The following OCRL variants were observed in gnomAD, a reference collection of about 807,000 sequenced individuals.
The protein encoded by OCRL is inositol polyphosphate 5-phosphatase OCRL.
In OCRL, 8 loss-of-function variants were observed where a neutral mutation model predicts 78.9. The observed-to-expected ratio is 0.10, with a 90% CI of 0.06 to 0.18. OCRL has a LOEUF of 0.18. Ranked by LOEUF, OCRL falls within the 10% of genes least tolerant of loss-of-function variation. The pLI is 1.00. For synonymous variants in OCRL, 240 were observed against 235.4 expected, an observed-to-expected ratio of 1.02 and a Z score of -0.18; for missense variants, 454 against 696.7, an observed-to-expected ratio of 0.65 and a Z score of 3.92.
chrX:129,568,270 TAGTG>T (rs752388976), intron 14 of OCRL, among the ~76,000 whole-genome samples: 154 of 112,149 alleles, frequency 1.4e-3, no homozygotes, highest in African/African-American at 4.6e-3. Flanking sequence ...AGTAAGTTCT[TAGTG>T]AGTATTTGTC....
At chrX:129,579,960 G>A (rs769414526) in intron 18 of OCRL, among the ~76,000 whole-genome samples, 6 of 111,985 alleles carry the variant, frequency 5.4e-5, no homozygotes, top group African/African-American at 9.7e-5. Flanking sequence ...TTGGAAAGTC[G>A]TTTAAAGTGA....
At chrX:129,562,205 T>A (rs1162684310) in intron 10 of OCRL, among the ~76,000 whole-genome samples, 179 bp from the exon 11 acceptor site, 6 of 112,021 alleles carry the variant, frequency 5.4e-5, no homozygotes, top group Non-Finnish European at 1.1e-4. Context: ...AGTGCCAGAT[T>A]AGAGCCTCCC....
Position 129,558,948 on chromosome X carries a change from C to G in OCRL, c.669C>G (p.Ile223Met). The G allele has an allele frequency of 5.8e-6, 7 of 1,211,144 alleles. No homozygotes were observed. The highest frequency in any genetic ancestry group is 7.8e-6 in the Non-Finnish European group (7 of 895,089). ...AATCTGGGCAGCGGGAGGGTCTCAT[C>G]AAACATATCCTGGCAAAGCGAGAGA... ...NTQSGQREGLIKHILAKREKE... is the reference protein window; with the variant it reads ...NTQSGQREGLMKHILAKREKE... Residue 223 changes from isoleucine to methionine, a missense_variant, in exon 8 of 24, where the codon ATC becomes ATG. Coordinates refer to ENST00000371113, the MANE Select transcript of OCRL (RefSeq NM_000276.4).
chrX:129,584,254 A>T, intron 18 of OCRL, 90 bp from the exon 19 acceptor site: 1 of 774,423 alleles, frequency 1.3e-6, no homozygotes, highest in Non-Finnish European at 2.0e-6. Context: ...TAAGATAGTG[A>T]GTTCTAATAC....
rs754773335 is a variant in OCRL, at chrX:129,589,016, G to A, written c.2469+3G>A. 8.3e-7 allele frequency: 1 copy of A among 1,211,127 alleles called. No individual in the cohort carries two copies. The highest frequency in any genetic ancestry group is 1.1e-6 in the Non-Finnish European group (1 of 895,073). ...ATGATCCCCGGATCTGCCGACAGGT[G>A]GGTTCTACTGACCTGGGGATGTGTT... is the stretch of plus-strand genomic sequence containing the variant. On this transcript the variant is annotated splice_donor_region_variant and intron_variant, in intron 22 of 23. Transcript: ENST00000371113.
At chrX:129,543,977 G>A (rs142793642) in intron 2 of OCRL, among the ~76,000 whole-genome samples, 1 of 111,433 alleles carries the variant, frequency 9.0e-6, no homozygotes, top group East Asian at 2.8e-4. Flanking sequence ...ATAATGGAGT[G>A]TGTAAGTGTT....
intron 16 of OCRL, 104 bp downstream of exon 16, chrX:129,575,354 C>T (rs1569461617): frequency 9.7e-6 from 5 of 517,282 alleles, no homozygotes; most frequent in South Asian, 3.1e-5. Flanking sequence ...AAGCCCATGT[C>T]GCTGGAGTCA....
intron 18 of OCRL, among the ~76,000 whole-genome samples, chrX:129,578,374 T>G (rs1258644072): frequency 9.1e-6 from 1 of 110,303 alleles, no homozygotes; most frequent in Non-Finnish European, 1.9e-5. Flanking sequence ...GACATTGACT[T>G]TTTTAAGAGT....
intron 18 of OCRL, 96 bp downstream of exon 18, chrX:129,576,648 G>C (rs190264901): frequency 1.6e-5 from 10 of 623,306 alleles, no homozygotes; most frequent in Non-Finnish European, 7.8e-6. Flanking sequence ...GTCTTCTTTT[G>C]GCCACGGGGG....
intron 3 of OCRL, among the ~76,000 whole-genome samples, chrX:129,547,642 T>TC (rs1456662085): frequency 1.8e-5 from 2 of 111,639 alleles, no homozygotes; most frequent in African/African-American, 6.5e-5. Context: ...ATGCCCTAAT[T>TC]CCCCTTGTTT....
rs1280912944 is a variant in OCRL, at chrX:129,575,350, A to G, written c.1713+100A>G. 1.5e-5 allele frequency: 8 copies of G among 530,014 alleles called. No homozygotes were observed. The Admixed American group carries it at 2.1e-4, about 14-fold the overall frequency. 43.7% of individuals were successfully genotyped at this position (530,014 alleles called of 1,213,427 possible). A position where few individuals can be genotyped will look rare whatever the true frequency, so the allele number is the denominator to read the frequency against. ...GCTACATAGCAACGTGGTTAAGCCC[A>G]TGTCGCTGGAGTCAGACTGCCTCCA... On this transcript the variant is annotated intron_variant, in intron 16 of 23. Coordinates refer to ENST00000371113, the MANE Select transcript of OCRL (RefSeq NM_000276.4).
chrX:129,571,500 T>G (rs768412007), intron 15 of OCRL, among the ~76,000 whole-genome samples: 166 of 107,906 alleles, frequency 1.5e-3, no homozygotes, highest in African/African-American at 5.4e-3. Context: ...GCCCAGCTAA[T>G]TTTTTGTATT....
chrX:129,547,834 G>A (rs1164142909), intron 3 of OCRL, among the ~76,000 whole-genome samples: 1 of 111,694 alleles, frequency 9.0e-6, no homozygotes, highest in Non-Finnish European at 1.9e-5. Flanking sequence ...CAAGGAGTCA[G>A]TACCCAGAGT....
Position 129,583,201 on chromosome X carries a change from G to A in OCRL, c.2116-1143G>A, listed in dbSNP as rs534496944. On this transcript the variant is annotated intron_variant, in intron 18 of 23. Coordinates refer to ENST00000371113, the MANE Select transcript of OCRL (RefSeq NM_000276.4). ...ATACAAAATTGCCAAGAGGTGGAAC[G>A]AAGATTTGTACCCAAGCCTGTCCAA... Among the ~76,000 whole-genome samples, 11 of 111,971 alleles carry A rather than the reference G, an allele frequency of 9.8e-5. 1 individual carries two copies. The highest frequency in any genetic ancestry group is 9.3e-3 in the Middle Eastern group (2 of 214).
intron 21 of OCRL, 30 bp downstream of exon 21, chrX:129,588,293 T>C (rs1418276873): frequency 9.8e-7 from 1 of 1,021,922 alleles, no homozygotes; most frequent in African/African-American, 1.8e-5. Context: ...CTTAAGAAGC[T>C]GGATGAGTAC....
intron 3 of OCRL, among the ~76,000 whole-genome samples, chrX:129,546,388 T>C (rs1935878906): frequency 8.9e-6 from 1 of 112,686 alleles, no homozygotes; most frequent in African/African-American, 3.2e-5. Context: ...TCAATAGTAA[T>C]ATGATGAACA....
Position 129,548,591 on chromosome X carries a change from A to G in OCRL, c.228A>G (p.Ile76Met). 1 of 1,196,439 alleles carries G rather than the reference A, an allele frequency of 8.4e-7. No homozygotes were observed. The highest frequency in any genetic ancestry group is 1.1e-6 in the Non-Finnish European group (1 of 882,046). Residue 76 changes from isoleucine to methionine, a missense_variant, in exon 4 of 24, where the codon ATA becomes ATG. Physicochemically the swap from Ile to Met is conservative, Grantham distance 10. Transcript: ENST00000371113. ...CAGAAGAAACTCTTTTGATTGACAT[A>G]GCTTCTAACAGTGAGTATCTTTCTG... The part of the protein sequence containing the change: ...QEAEETLLID[I>M]ASNSGCKIRV...
At chrX:129,554,963 A>ATAAC (rs1396799807) in intron 4 of OCRL, among the ~76,000 whole-genome samples, 1 of 100,374 alleles carries the variant, frequency 1.0e-5, no homozygotes, top group Non-Finnish European at 2.0e-5. Context: ...AAATAAATAA[A>ATAAC]TAAATAAATA....
At chrX:129,548,188 A>G (rs1935915053) in intron 3 of OCRL, among the ~76,000 whole-genome samples, 1 of 112,090 alleles carries the variant, frequency 8.9e-6, no homozygotes, top group Non-Finnish European at 1.9e-5. Flanking sequence ...TCTGTTATCT[A>G]AAGAAGTATC....
Sources: allele counts gnomAD v4.1 joint callset (sites outside exome capture counted in the v4.1 genomes callset), GRCh38; gene constraint gnomAD v4.1.1; transcripts MANE v1.5; gene names NCBI Gene and HGNC (gene_info 2026-07-23, HGNC 2026-07-21).